The following SNX18 variants were observed in gnomAD, a reference collection of about 807,000 sequenced individuals.
SNX18 encodes the protein sorting nexin-18.
A neutral mutation model predicts 48.7 loss-of-function variants in SNX18; 35 were observed. The observed-to-expected ratio is 0.72, with a 90% confidence interval of 0.55 to 0.95. SNX18 has a LOEUF of 0.95. SNX18 is among the 40% of genes least tolerant of loss of function. The pLI, the probability that SNX18 is intolerant of heterozygous loss-of-function variation, is 0.00. For synonymous variants in SNX18, 492 were observed against 384.7 expected (o/e 1.28, Z -3.26); for missense variants, 824 against 871.0 (o/e 0.95, Z 0.68).
the SNX18 span, among the ~76,000 whole-genome samples, chr5:54,566,879 G>A: frequency 3.9e-5 from 6 of 152,198 alleles, no homozygotes. Context: ...TCACCAACAG[G>A]ACTGGAAATA....
the SNX18 span, among the ~76,000 whole-genome samples, chr5:54,646,292 T>A: frequency 6.6e-6 from 1 of 152,246 alleles, no homozygotes; most frequent in Admixed American, 6.5e-5. Context: ...CTTCTGCTGC[T>A]TTTCTGAAAC....
At chr5:54,616,247 C>T in the SNX18 span, among the ~76,000 whole-genome samples, 2 of 152,186 alleles carry the variant, frequency 1.3e-5, no homozygotes. Context: ...GCAGTTCTGA[C>T]TTAACAACTC....
chr5:54,586,454 A>G, the SNX18 span, among the ~76,000 whole-genome samples: 1 of 151,768 alleles, frequency 6.6e-6, no homozygotes, highest in Non-Finnish European at 1.5e-5. Flanking sequence ...AGAAAAAAAA[A>G]TGTTGATTTG....
the SNX18 span, among the ~76,000 whole-genome samples, chr5:54,614,648 A>C: frequency 2.6e-4 from 40 of 152,240 alleles, no homozygotes; most frequent in Admixed American, 6.5e-4. Flanking sequence ...CTCTACAAAA[A>C]AATAAAGAAA....
rs1381547553 is a variant in SNX18 at position 54,544,611 on chromosome 5, T to TTA, written c.*1179_*1180insTA. On this transcript the variant is annotated 3_prime_UTR_variant, in exon 2 of 2. Transcript: ENST00000381410. ...AAGATAATTGATTTATACTATGTTT[T>TTA]AAAAAAAAAAAAGGTATTGATGAGC... is the stretch of plus-strand genomic sequence containing the variant. 2.4e-5 allele frequency: 3 copies of TTA among 122,786 alleles called. No individual in the cohort carries two copies. Among genetic ancestry groups the TTA allele is most frequent in the African/African-American group, 8.8e-5 (3 of 34,042 alleles). 7.6% of individuals were successfully genotyped at this position (122,786 alleles called of 1,614,324 possible). A position where few individuals can be genotyped will look rare whatever the true frequency, so the allele number is the denominator to read the frequency against.
At chr5:54,581,307 G>C in the SNX18 span, among the ~76,000 whole-genome samples, 1 of 152,264 alleles carries the variant, frequency 6.6e-6, no homozygotes, top group Non-Finnish European at 1.5e-5. Context: ...AGATGAGAGA[G>C]AGCAAGAAAC....
chr5:54,624,592 T>C, the SNX18 span, among the ~76,000 whole-genome samples: 1 of 152,210 alleles, frequency 6.6e-6, no homozygotes, highest in Non-Finnish European at 1.5e-5. Flanking sequence ...AGACAGATTT[T>C]AATCAAGACT....
chr5:54,560,555 C>T, the SNX18 span, among the ~76,000 whole-genome samples: 1 of 152,066 alleles, frequency 6.6e-6, no homozygotes, highest in Non-Finnish European at 1.5e-5. Flanking sequence ...ATGAAATAGT[C>T]TGTACAACAA....
chr5:54,525,313 G>A (rs762485879), intron 1 of SNX18, among the ~76,000 whole-genome samples: 12 of 151,760 alleles, frequency 7.9e-5, no homozygotes, highest in Non-Finnish European at 1.6e-4. Context: ...GGCTGAGGGA[G>A]GAGAATCACT....
At position 54,518,533 on chromosome 5, in the gene SNX18, G is replaced by T; in HGVS notation, c.581G>T (p.Arg194Leu). The change falls in exon 1 of 2, where the codon CGC becomes CTC. Residue 194 changes from arginine to leucine, a missense_variant. Physicochemically the swap from Arg to Leu is moderately radical, Grantham distance 102. This residue lies in a region of SNX18 where 377 missense variants were observed against 350.6 expected (regional missense o/e 1.08). Transcript: ENST00000381410. ...GGTGTGGGCGCAGCCGGCCGCTACC[G>T]CCTGTCCACGCGCTCCGACCTGTCC... ...SAGVGAAGRY[R>L]LSTRSDLSLG... is the part of the protein sequence containing the mutation. 1 of 1,574,832 alleles carries T rather than the reference G, an allele frequency of 6.3e-7. No homozygotes were observed. The highest frequency in any genetic ancestry group is 8.6e-7 in the Non-Finnish European group (1 of 1,161,800).
At chr5:54,610,948 T>C in the SNX18 span, among the ~76,000 whole-genome samples, 4 of 152,234 alleles carry the variant, frequency 2.6e-5, no homozygotes, top group Admixed American at 6.5e-5. Flanking sequence ...GAATCATCTA[T>C]TGGCTACGTT....
chr5:54,572,718 C>T, the SNX18 span, among the ~76,000 whole-genome samples: 6 of 126,240 alleles, frequency 4.8e-5, no homozygotes, highest in South Asian at 4.9e-4. Context: ...AACACTTTCT[C>T]CTCCAAATTG....
At chr5:54,550,465 C>T (rs1762633384), downstream of SNX18, among the ~76,000 whole-genome samples, 1 of 151,928 alleles carries the variant, frequency 6.6e-6, no homozygotes, top group Non-Finnish European at 1.5e-5. Context: ...TGAGGAAGCT[C>T]TTCATATACC....
chr5:54,554,493 A>T, the SNX18 span, among the ~76,000 whole-genome samples: 23 of 152,370 alleles, frequency 1.5e-4, 1 homozygote, highest in Middle Eastern at 0.01. Flanking sequence ...TCTCTAAATG[A>T]GGCCTTAGAG....
chr5:54,517,943 C>T lies in SNX18; in HGVS notation c.-10C>T, dbSNP rs1449278401. On this transcript the variant is annotated 5_prime_UTR_variant, in exon 1 of 2. Coordinates refer to ENST00000381410, the MANE Select transcript of SNX18 (RefSeq NM_001102575.2). ...CGGGAGTCGGGACCGCCAGTCGGGG[C>T]GCCGGGACCATGGCGCTGCGCGCCC... 6 of 1,501,602 alleles carry T rather than the reference C, an allele frequency of 4.0e-6. No homozygotes were observed. In the Middle Eastern group the frequency reaches 5.3e-4, roughly 134 times the overall value. The allele number at this position is 1,501,602 out of a possible 1,614,324, so 93.0% of individuals were successfully genotyped here.
Position 54,519,467 on chromosome 5 carries a change from G to C in SNX18, c.1515G>C (p.Glu505Asp), listed in dbSNP as rs757834095. The change falls in exon 1 of 2, where the codon GAG becomes GAC. Residue 505 changes from glutamate to aspartate, a missense_variant. Glu to Asp is a conservative substitution (Grantham distance 45). Around this residue, in one of 3 missense-constraint regions of SNX18, gnomAD observed 443 missense variants for 503.6 expected, o/e 0.88. Coordinates refer to ENST00000381410, the MANE Select transcript of SNX18 (RefSeq NM_001102575.2). ...FTGDAYDAIG[E>D]LFAEQPRQDL... ...GAGATGCCTATGACGCCATTGGCGA[G>C]CTCTTCGCGGAGCAGCCCAGGCAGG... is the stretch of plus-strand genomic sequence containing the variant. 2.5e-5 allele frequency: 41 copies of C among 1,614,098 alleles called. No individual in the cohort carries two copies. The highest frequency in any genetic ancestry group is 3.2e-5 in the Non-Finnish European group (38 of 1,180,054).
the SNX18 span, among the ~76,000 whole-genome samples, chr5:54,554,296 T>C: frequency 6.6e-6 from 1 of 152,210 alleles, no homozygotes. Context: ...TTAAAAATAT[T>C]ACAGTGCCTG....
chr5:54,518,630 C>T lies in SNX18; in HGVS notation c.678C>T (p.Ser226=), dbSNP rs1761934092. The T allele has an allele frequency of 1.9e-6, 3 of 1,559,622 alleles. No individual in the cohort carries two copies. Among genetic ancestry groups the T allele is most frequent in the South Asian group, 2.4e-5 (2 of 82,082 alleles). The change falls in exon 1 of 2, where the codon AGC becomes AGT. Residue 226 remains serine (S), a synonymous_variant. Transcript: ENST00000381410. ...GGCCCAAGAGCTCGGCCACCGTGAG[C>T]CGCAACCTCAATCGCTTCTCCACCT... The part of the protein sequence containing the change: ...PSGPKSSATV[S]RNLNRFSTFV...
At chr5:54,570,030 G>A in the SNX18 span, among the ~76,000 whole-genome samples, 5 of 152,204 alleles carry the variant, frequency 3.3e-5, no homozygotes, top group Non-Finnish European at 5.9e-5. Context: ...CACTCAGTAC[G>A]TGTAAACGTG....
Sources: gnomAD v4.1 joint callset for allele counts (sites outside exome capture counted in the v4.1 genomes callset) on GRCh38, gnomAD v4.1.1 for gene constraint, gnomAD v4.1.1 regional missense constraint, MANE v1.5 for transcripts, NCBI Gene and HGNC (gene_info 2026-07-23, HGNC 2026-07-21) for gene names.